EYS: variants seen among roughly 807,000 people sequenced by gnomAD.
EYS encodes the protein protein eyes shut homolog.
EYS carries 250 observed loss-of-function variants against 282.1 expected under a neutral mutation model. The observed-to-expected ratio is 0.89, with a 90% CI of 0.80 to 0.98. EYS has a LOEUF of 0.98. Among genes scored for constraint, EYS ranks in the 50% least tolerant of loss-of-function variants. The pLI is 0.00. For missense variants in EYS, 4,016 were observed against 3,709.0 expected, an observed-to-expected ratio of 1.08 and a Z score of -2.15; for synonymous variants, 1,355 against 1,282.9, an observed-to-expected ratio of 1.06 and a Z score of -1.20.
At chr6:63,896,356 T>C (rs901536072) in intron 35 of EYS, among the ~76,000 whole-genome samples, 2 of 152,374 alleles carry the variant, frequency 1.3e-5, no homozygotes, top group Admixed American at 6.5e-5. Flanking sequence ...CTAATTTTTA[T>C]GTATTCAAGG....
chr6:65,365,816 G>A (rs992926900), intron 8 of EYS, among the ~76,000 whole-genome samples: 1 of 151,642 alleles, frequency 6.6e-6, no homozygotes, highest in Non-Finnish European at 1.5e-5. Flanking sequence ...TGTAATACCC[G>A]TGATTACATC....
chr6:64,193,461 C>T (rs1366906393), intron 31 of EYS, among the ~76,000 whole-genome samples: 1 of 151,960 alleles, frequency 6.6e-6, no homozygotes, highest in Non-Finnish European at 1.5e-5. Context: ...CGGGAGCCTG[C>T]CACCATGCCC....
chr6:65,649,713 A>C (rs561729466), intron 1 of EYS, among the ~76,000 whole-genome samples: 1 of 152,254 alleles, frequency 6.6e-6, no homozygotes, highest in South Asian at 2.1e-4. Flanking sequence ...TTTTTTACAA[A>C]TTCAGTATGA....
intron 33 of EYS, among the ~76,000 whole-genome samples, chr6:64,023,999 G>A (rs761342504): frequency 2.3e-4 from 35 of 152,292 alleles, no homozygotes; most frequent in Non-Finnish European, 4.3e-4. Flanking sequence ...CATGCAGCTC[G>A]CCATGCCTGA....
intron 2 of EYS, among the ~76,000 whole-genome samples, chr6:65,639,287 C>T: frequency 6.6e-6 from 1 of 151,944 alleles, no homozygotes; most frequent in East Asian, 1.9e-4. Context: ...TCTATTAAGT[C>T]AAGTTTCAGG....
At chr6:63,952,673 T>C (rs1765650544) in intron 35 of EYS, among the ~76,000 whole-genome samples, 1 of 152,216 alleles carries the variant, frequency 6.6e-6, no homozygotes, top group Non-Finnish European at 1.5e-5. Flanking sequence ...TCTGCTTCCC[T>C]GACTATTCCT....
intron 36 of EYS, among the ~76,000 whole-genome samples, chr6:63,829,312 G>A (rs191277984): frequency 3.2e-4 from 48 of 152,300 alleles, no homozygotes; most frequent in Non-Finnish European, 6.3e-4. Flanking sequence ...CCCTTTCCCA[G>A]CAAAGGGAAG....
chr6:64,376,539 A>C (rs1249355047), intron 29 of EYS, among the ~76,000 whole-genome samples: 1 of 152,208 alleles, frequency 6.6e-6, no homozygotes. Flanking sequence ...AATTTCTACA[A>C]GGTATGTGAG....
At chr6:64,384,531 T>G (rs969539854) in intron 29 of EYS, among the ~76,000 whole-genome samples, 1 of 152,176 alleles carries the variant, frequency 6.6e-6, no homozygotes, top group Admixed American at 6.6e-5. Flanking sequence ...CAATATTTAT[T>G]TATTTCCATA....
chr6:64,222,006 A>G (rs1454134541), intron 31 of EYS, among the ~76,000 whole-genome samples: 1 of 152,114 alleles, frequency 6.6e-6, no homozygotes, highest in African/African-American at 2.4e-5. Context: ...TTTAAACCAC[A>G]GGCAGTCAAG....
intron 29 of EYS, among the ~76,000 whole-genome samples, chr6:64,355,744 GAAAGGGATAC>G (rs1312099845): frequency 6.6e-6 from 1 of 151,570 alleles, no homozygotes; most frequent in Non-Finnish European, 1.5e-5. Context: ...CAGATGATAT[GAAAGGGATAC>G]AAAGATGAAT....
rs2127266443 is a variant in EYS, at chr6:65,490,646, G to T, written c.810C>A (p.Cys270Ter). ...CQPHVCFHGN[C>*]SNITSNSFIC... ...TGAAACTATTTGAAGTAATATTGCT[G>T]CAGTTTCCATGGAAACAGACATGTG... Residue 270 changes from cysteine to a stop codon, truncating the protein, a stop_gained, in exon 5 of 43, where the codon TGC becomes TGA. Coordinates refer to ENST00000503581, the MANE Select transcript of EYS (RefSeq NM_001142800.2). LOFTEE classifies it high-confidence loss of function. 6.2e-7 allele frequency: 1 copy of T among 1,612,314 alleles called. No individual in the cohort carries two copies. Among genetic ancestry groups the T allele is most frequent in the South Asian group, 1.1e-5 (1 of 91,014 alleles).
chr6:63,795,294 T>C (rs1368638573), intron 37 of EYS, among the ~76,000 whole-genome samples: 1 of 152,184 alleles, frequency 6.6e-6, no homozygotes, highest in Non-Finnish European at 1.5e-5. Flanking sequence ...AATAGTGATT[T>C]ATTAATGGAA....
At position 65,523,911 on chromosome 6, in the gene EYS, G is replaced by T. The variant is rs1009398346; in HGVS notation, c.-332-27918C>A. Among the ~76,000 whole-genome samples, 3 of 152,224 alleles carry T rather than the reference G, an allele frequency of 2.0e-5. No individual in the cohort carries two copies. The South Asian group carries it at 6.2e-4, about 32-fold the overall frequency. On this transcript the variant is annotated intron_variant, in intron 2 of 42. Transcript: ENST00000503581. ...TTTGAGACAGAGTCTCACTCTTGTCGCCTAGTCTAGAGTGAAATGGCACGA... is the reference window on the plus strand; with the variant it reads ...TTTGAGACAGAGTCTCACTCTTGTCTCCTAGTCTAGAGTGAAATGGCACGA...
At chr6:64,383,270 C>A (rs1051213569) in intron 29 of EYS, among the ~76,000 whole-genome samples, 1 of 152,138 alleles carries the variant, frequency 6.6e-6, no homozygotes, top group Non-Finnish European at 1.5e-5. Flanking sequence ...CAGTGCACTT[C>A]AGCCTGGGTG....
At position 64,749,821 on chromosome 6, in the gene EYS, T is replaced by C. The variant is rs148474120; in HGVS notation, c.3443+63557A>G. ...TGCCATTGTGTCTTTTTTTCATACA[T>C]ATTTTGATTTTTAATATTTGAGTAA... is the stretch of plus-strand genomic sequence containing the variant. On this transcript the variant is annotated intron_variant, in intron 22 of 42. Transcript: ENST00000503581. Among the ~76,000 whole-genome samples, 223 of 152,168 alleles carry C rather than the reference T, an allele frequency of 1.5e-3. 2 individuals are homozygous for C. The highest frequency in any genetic ancestry group is 4.7e-3 in the African/African-American group (195 of 41,512).
At chr6:64,213,210 C>A (rs1439786061) in intron 31 of EYS, among the ~76,000 whole-genome samples, 1 of 151,990 alleles carries the variant, frequency 6.6e-6, no homozygotes, top group Non-Finnish European at 1.5e-5. Flanking sequence ...CACATGTACC[C>A]CTGAACTTAA....
chr6:65,675,210 CAAGA>C (rs1388891271), intron 1 of EYS, among the ~76,000 whole-genome samples: 1 of 150,248 alleles, frequency 6.7e-6, no homozygotes, highest in Non-Finnish European at 1.5e-5. Context: ...AGAAAAGCTA[CAAGA>C]TAGACAGAAA....
intron 35 of EYS, among the ~76,000 whole-genome samples, chr6:63,937,657 A>C (rs1416047049): frequency 1.3e-5 from 2 of 151,962 alleles, no homozygotes; most frequent in Admixed American, 1.3e-4. Context: ...CTGGGATTAT[A>C]GGCGTGAGCC....
Sources: gnomAD v4.1 joint callset for allele counts (sites outside exome capture counted in the v4.1 genomes callset) on GRCh38, gnomAD v4.1.1 for gene constraint, MANE v1.5 for transcripts, NCBI Gene and HGNC (gene_info 2026-07-23, HGNC 2026-07-21) for gene names.